Variants in DOCK5 observed in about 807,000 individuals in gnomAD.
The protein encoded by DOCK5 is dedicator of cytokinesis 5.
A neutral mutation model predicts 251.8 loss-of-function variants in DOCK5; 142 were observed. That is an observed-to-expected ratio of 0.56 (90% CI 0.49 to 0.65). The LOEUF (loss-of-function observed/expected upper bound fraction) is 0.65. DOCK5 is among the 30% of genes least tolerant of loss of function. The pLI, the probability that DOCK5 is intolerant of heterozygous loss-of-function variation, is 0.00. For missense variants in DOCK5, 2,111 were observed against 2,312.3 expected, an observed-to-expected ratio of 0.91 and a Z score of 1.79; for synonymous variants, 842 against 835.5, an observed-to-expected ratio of 1.01 and a Z score of -0.13.
intron 46 of DOCK5, among the ~76,000 whole-genome samples, chr8:25,400,503 A>AAAAAAAAAG (rs1196817151): frequency 6.6e-6 from 1 of 151,122 alleles, no homozygotes; most frequent in Non-Finnish European, 1.5e-5. Context: ...ATCTCAAAAA[A>AAAAAAAAAG]AAAAAAAAGA....
chr8:25,385,722 A>G (rs1801154083), intron 40 of DOCK5, among the ~76,000 whole-genome samples: 1 of 152,156 alleles, frequency 6.6e-6, no homozygotes. Context: ...AAATCAATAA[A>G]CTATTTAGTA....
rs752009988 is a variant in DOCK5 at position 25,374,776 on chromosome 8, G to GT, written c.3816+129dup. The GT allele has an allele frequency of 2.3e-5, 37 of 1,583,488 alleles. No individual in the cohort carries two copies. In the Admixed American group the frequency reaches 4.2e-4, roughly 18 times the overall value. Reference sequence around the variant, plus strand: ...ATTCCAGGAATATCCTTTTATACAAGTTTTTTTAGTTCTTTCTAAATAGGC... The same window carrying GT: ...ATTCCAGGAATATCCTTTTATACAAGTTTTTTTTAGTTCTTTCTAAATAGGC... On this transcript the variant is annotated intron_variant, in intron 37 of 51. Coordinates refer to ENST00000276440, the MANE Select transcript of DOCK5 (RefSeq NM_024940.8).
At chr8:25,276,010 T>G (rs1265801514) in intron 4 of DOCK5, among the ~76,000 whole-genome samples, 5 of 152,184 alleles carry the variant, frequency 3.3e-5, no homozygotes, top group African/African-American at 1.2e-4. Flanking sequence ...TAGCAAAAAC[T>G]GAGGGCTTTT....
At chr8:25,383,008 G>A (rs1275339823) in intron 40 of DOCK5, among the ~76,000 whole-genome samples, 2 of 152,254 alleles carry the variant, frequency 1.3e-5, no homozygotes, top group African/African-American at 4.8e-5. Context: ...CAGTGAAAAA[G>A]GGAAAAACAG....
At chr8:25,369,530 C>A in intron 33 of DOCK5, 26 bp from the exon 34 acceptor site, 1 of 1,586,260 alleles carries the variant, frequency 6.3e-7, no homozygotes, top group East Asian at 2.3e-5. Flanking sequence ...CAACATTATC[C>A]TGTGAAATTC....
Position 25,411,432 on chromosome 8 carries a change from A to C in DOCK5, c.*134A>C. Reference sequence around the variant, plus strand: ...GATCTGGGATGATGTTTACCAGCCCAAAACCAGTCATGTTCTTCCAAAAGC... The same window carrying C: ...GATCTGGGATGATGTTTACCAGCCCCAAACCAGTCATGTTCTTCCAAAAGC... On this transcript the variant is annotated 3_prime_UTR_variant, in exon 52 of 52. Transcript: ENST00000276440. 8.2e-7 allele frequency: 1 copy of C among 1,212,874 alleles called. No individual in the cohort carries two copies. The highest frequency in any genetic ancestry group is 1.1e-6 in the Non-Finnish European group (1 of 945,722). The allele number at this position is 1,212,874 out of a possible 1,614,324, so 75.1% of individuals were successfully genotyped here.
intron 41 of DOCK5, 143 bp downstream of exon 41, chr8:25,389,375 G>A (rs1344907040): frequency 3.5e-6 from 4 of 1,152,142 alleles, no homozygotes; most frequent in Admixed American, 2.7e-5. Context: ...CCCATTCCAT[G>A]TAAAATCTTT....
chr8:25,357,101 A>G (rs149756212), intron 27 of DOCK5, among the ~76,000 whole-genome samples: 1 of 151,860 alleles, frequency 6.6e-6, no homozygotes, highest in African/African-American at 2.4e-5. Context: ...CAGCAACATG[A>G]GAAAGCTAAA....
chr8:25,398,058 C>A (rs184056419), intron 45 of DOCK5, among the ~76,000 whole-genome samples: 1 of 152,258 alleles, frequency 6.6e-6, no homozygotes, highest in African/African-American at 2.4e-5. Flanking sequence ...GCTCTTTATT[C>A]ATCGCCAAAA....
intron 22 of DOCK5, among the ~76,000 whole-genome samples, chr8:25,338,184 G>A (rs1805862521): frequency 6.6e-6 from 1 of 151,920 alleles, no homozygotes; most frequent in Non-Finnish European, 1.5e-5. Flanking sequence ...TGGGACCAAA[G>A]GGCACGTCAC....
chr8:25,288,631 G>C (rs1197232648), intron 5 of DOCK5, among the ~76,000 whole-genome samples: 2 of 152,184 alleles, frequency 1.3e-5, no homozygotes, highest in East Asian at 3.9e-4. Context: ...CTTAACATTA[G>C]AAAACACTTT....
rs764636686 is a variant in DOCK5 at position 25,369,652 on chromosome 8, C to G, written c.3524+11C>G. On this transcript the variant is annotated intron_variant, in intron 34 of 51. Coordinates refer to ENST00000276440, the MANE Select transcript of DOCK5 (RefSeq NM_024940.8). ...TCTTCTGGAAAAACTGTGAGTATTT[C>G]AGGAACGAAACCTGAAGTCAGTGGT... 6.3e-7 allele frequency: 1 copy of G among 1,596,906 alleles called. No individual in the cohort carries two copies. Among genetic ancestry groups the G allele is most frequent in the Admixed American group, 1.7e-5 (1 of 57,388 alleles).
rs74662569 is a variant in DOCK5, at chr8:25,301,116, G to A, written c.846+459G>A. Among the ~76,000 whole-genome samples the A allele has an allele frequency of 7.8e-3, 1,185 of 152,290 alleles. 15 individuals are homozygous for A. The highest frequency in any genetic ancestry group is 0.027 in the African/African-American group (1,123 of 41,540). On this transcript the variant is annotated intron_variant, in intron 9 of 51. Coordinates refer to ENST00000276440, the MANE Select transcript of DOCK5 (RefSeq NM_024940.8). ...CAATTCGGATATGCCAAAGAGAAGCGTGCTCCCTTTAAGTGAAAAGGTAAA... is the reference window on the plus strand; with the variant it reads ...CAATTCGGATATGCCAAAGAGAAGCATGCTCCCTTTAAGTGAAAAGGTAAA...
intron 19 of DOCK5, 33 bp from the exon 20 acceptor site, chr8:25,332,570 T>G (rs1368068794): frequency 6.4e-7 from 1 of 1,559,598 alleles, no homozygotes; most frequent in South Asian, 1.2e-5. Context: ...AATGAAAGCA[T>G]CAAAATAACC....
At chr8:25,392,258 C>G (rs966818715) in intron 43 of DOCK5, among the ~76,000 whole-genome samples, 7 of 149,650 alleles carry the variant, frequency 4.7e-5, no homozygotes, top group African/African-American at 1.5e-4. Flanking sequence ...GAGCTGAGGT[C>G]GCACCACTGC....
chr8:25,367,032 C>G, intron 31 of DOCK5, 62 bp downstream of exon 31: 1 of 1,423,650 alleles, frequency 7.0e-7, no homozygotes, highest in Admixed American at 1.8e-5. Flanking sequence ...ACATTGAGAG[C>G]AATATTTTAG....
At position 25,243,739 on chromosome 8, in the gene DOCK5, A is replaced by C; in HGVS notation, c.109A>C (p.Ile37Leu). ...CTTGCAGATCGGTGACACAGTTCAC[A>C]TCCTGGAGATGTACGAGGGTAAGTC... ...LSLQIGDTVHILEMYEGWYRG... is the reference protein window; with the variant it reads ...LSLQIGDTVHLLEMYEGWYRG... The change falls in exon 2 of 52, where the codon ATC becomes CTC. Residue 37 changes from isoleucine (I) to leucine (L), a missense_variant. Around this residue, in one of 3 missense-constraint regions of DOCK5, gnomAD observed 335 missense variants for 324.9 expected, o/e 1.03. Coordinates refer to ENST00000276440, the MANE Select transcript of DOCK5 (RefSeq NM_024940.8). 1 of 1,613,746 alleles carries C rather than the reference A, an allele frequency of 6.2e-7. No homozygotes were observed. The highest frequency in any genetic ancestry group is 8.5e-7 in the Non-Finnish European group (1 of 1,179,732).
intron 5 of DOCK5, among the ~76,000 whole-genome samples, chr8:25,284,399 G>T (rs906469583): frequency 6.6e-6 from 1 of 152,190 alleles, no homozygotes; most frequent in Non-Finnish European, 1.5e-5. Flanking sequence ...ATTTAGTGAC[G>T]TTTGCCTTGA....
At chr8:25,400,080 C>T (rs1458150850) in intron 46 of DOCK5, 86 bp downstream of exon 46, 1 of 1,022,732 alleles carries the variant, frequency 9.8e-7, no homozygotes, top group Non-Finnish European at 1.5e-6. Context: ...TACAAGCCCA[C>T]TCAGGGTGAC....
Sources: allele counts gnomAD v4.1 joint callset (sites outside exome capture counted in the v4.1 genomes callset), GRCh38; gene constraint gnomAD v4.1.1; regional missense constraint gnomAD v4.1.1; transcripts MANE v1.5; gene names NCBI Gene and HGNC (gene_info 2026-07-23, HGNC 2026-07-21).